PSMD14: variants seen among roughly 807,000 people sequenced by gnomAD.
The protein encoded by PSMD14 is ubiquitin C-terminal hydrolase PSMD14.
In PSMD14, 7 loss-of-function variants were observed where a neutral mutation model predicts 41.2. The observed-to-expected ratio is 0.17, with a 90% CI of 0.10 to 0.32. The LOEUF (loss-of-function observed/expected upper bound fraction) is 0.32. Among genes scored for constraint, PSMD14 ranks in the 10% least tolerant of loss-of-function variants. The probability of loss-of-function intolerance (pLI) is 1.00; values close to 1 mark genes in which losing one functional copy is unlikely to be tolerated. For synonymous variants in PSMD14, 114 were observed against 122.3 expected, an observed-to-expected ratio of 0.93 and a Z score of 0.45; for missense variants, 139 against 375.6, an observed-to-expected ratio of 0.37 and a Z score of 5.21.
intron 8 of PSMD14, among the ~76,000 whole-genome samples, chr2:161,390,828 A>C (rs1683701089): frequency 6.6e-6 from 1 of 152,182 alleles, no homozygotes; most frequent in African/African-American, 2.4e-5. Flanking sequence ...TTATGATAAG[A>C]TCAAACCTTA....
chr2:161,401,794 A>ATTG (rs1574143148), intron 10 of PSMD14, among the ~76,000 whole-genome samples: 1 of 151,802 alleles, frequency 6.6e-6, no homozygotes, highest in Non-Finnish European at 1.5e-5. Context: ...TATTATTATT[A>ATTG]TTCAGGTTGT....
At chr2:161,387,964 A>T (rs1469052320) in intron 8 of PSMD14, among the ~76,000 whole-genome samples, 1 of 152,034 alleles carries the variant, frequency 6.6e-6, no homozygotes, top group Non-Finnish European at 1.5e-5. Flanking sequence ...TTAATATATG[A>T]TAATGTATAT....
intron 11 of PSMD14, 37 bp downstream of exon 11, chr2:161,408,936 ATAACATGTT>A: frequency 6.6e-7 from 1 of 1,522,392 alleles, no homozygotes; most frequent in Non-Finnish European, 9.0e-7. Flanking sequence ...CAGTTGCATA[ATAACATGTT>A]CTTATAGAGT....
intron 7 of PSMD14, among the ~76,000 whole-genome samples, chr2:161,379,759 G>T (rs1222349185): frequency 6.6e-6 from 1 of 152,058 alleles, no homozygotes; most frequent in Non-Finnish European, 1.5e-5. Context: ...ATGCAAAGGA[G>T]AAAGTGAAGG....
At chr2:161,351,287 A>G (rs1683114679) in intron 3 of PSMD14, among the ~76,000 whole-genome samples, 1 of 152,190 alleles carries the variant, frequency 6.6e-6, no homozygotes, top group Non-Finnish European at 1.5e-5. Context: ...CACTTAGCTT[A>G]TACTAGGGCA....
intron 3 of PSMD14, among the ~76,000 whole-genome samples, chr2:161,353,048 A>C (rs546068540): frequency 2.0e-5 from 3 of 152,300 alleles, no homozygotes; most frequent in Admixed American, 2.0e-4. Context: ...TTATTAAAAG[A>C]ATATTTTGTT....
intron 3 of PSMD14, among the ~76,000 whole-genome samples, chr2:161,363,316 A>G (rs892424671): frequency 6.6e-6 from 1 of 152,150 alleles, no homozygotes; most frequent in Admixed American, 6.5e-5. Flanking sequence ...ATTTTATTAT[A>G]TTTCTAAAAG....
intron 11 of PSMD14, among the ~76,000 whole-genome samples, chr2:161,410,650 G>A (rs6432681): frequency 1 from 152,152 of 152,190 alleles, 76,058 homozygotes; most frequent in Middle Eastern, 1. Context: ...GATTGCACCT[G>A]TATAATTTGC....
chr2:161,365,021 G>A (rs780027096), intron 3 of PSMD14, among the ~76,000 whole-genome samples: 22 of 152,074 alleles, frequency 1.4e-4, no homozygotes, highest in African/African-American at 4.6e-4. Context: ...AGGAAGAGAC[G>A]CTGGAACCCA....
chr2:161,374,943 A>G (rs1420068613), intron 7 of PSMD14, among the ~76,000 whole-genome samples: 2 of 152,072 alleles, frequency 1.3e-5, no homozygotes, highest in Non-Finnish European at 2.9e-5. Context: ...ATTACCAGCT[A>G]ACTAACTCCT....
intron 3 of PSMD14, chr2:161,341,087 C>A (rs1272411690): frequency 1.3e-6 from 2 of 1,524,696 alleles, no homozygotes; most frequent in Middle Eastern, 2.3e-4. Context: ...CGAGCTCCCC[C>A]AGCCCCGCGG....
Position 161,348,369 on chromosome 2 carries a change from G to A in PSMD14, c.49-19109G>A, listed in dbSNP as rs188712587. ...GCAGCCATATATTACAAAAATGAAT[G>A]GGCCTGGCCATGTTCCAATAAAATT... On this transcript the variant is annotated intron_variant, in intron 3 of 11. Transcript: ENST00000409682. Among the ~76,000 whole-genome samples, 10 of 152,250 alleles carry A rather than the reference G, an allele frequency of 6.6e-5. No individual in the cohort carries two copies. The East Asian group carries it at 1.9e-3, about 29-fold the overall frequency.
At chr2:161,320,546 A>C (rs1396466400) in intron 3 of PSMD14, among the ~76,000 whole-genome samples, 1 of 152,066 alleles carries the variant, frequency 6.6e-6, no homozygotes, top group South Asian at 2.1e-4. Context: ...TAATTTGTGG[A>C]ACTCTTATTT....
chr2:161,340,777 A>G, intron 3 of PSMD14: 1 of 1,612,786 alleles, frequency 6.2e-7, no homozygotes, highest in South Asian at 1.1e-5. Context: ...AGATGCCAAA[A>G]GGAAAAGCCT....
At chr2:161,311,895 G>A (rs1457194134) in intron 1 of PSMD14, among the ~76,000 whole-genome samples, 1 of 151,670 alleles carries the variant, frequency 6.6e-6, no homozygotes, top group Non-Finnish European at 1.5e-5. Context: ...GATTACAGGT[G>A]TGAGCCACCG....
chr2:161,375,125 A>G (rs567827023), intron 7 of PSMD14, among the ~76,000 whole-genome samples: 1 of 152,178 alleles, frequency 6.6e-6, no homozygotes, highest in African/African-American at 2.4e-5. Context: ...AGGTCAGCTT[A>G]TCTGCAGGTA....
At chr2:161,366,947 G>A (rs1452183036) in intron 3 of PSMD14, among the ~76,000 whole-genome samples, 1 of 152,128 alleles carries the variant, frequency 6.6e-6, no homozygotes, top group African/African-American at 2.4e-5. Flanking sequence ...TGTTAAATTT[G>A]TTGTTGTATA....
At chr2:161,390,164 C>G (rs1195593468) in intron 8 of PSMD14, among the ~76,000 whole-genome samples, 1 of 151,986 alleles carries the variant, frequency 6.6e-6, no homozygotes, top group East Asian at 1.9e-4. Context: ...CCTTCTTCCT[C>G]TACCTCAGTG....
rs1683370478 is a variant in PSMD14 at position 161,367,196 on chromosome 2, A to C, written c.49-282A>C. On this transcript the variant is annotated intron_variant, in intron 3 of 11. Transcript: ENST00000409682. ...CACACTGTGGTAACAAATGTGGCTA[A>C]TTGGTACATTATAGCCATGTTGTAG... Among the ~76,000 whole-genome samples the C allele has an allele frequency of 3.9e-5, 6 of 152,182 alleles. No individual in the cohort carries two copies. The South Asian group carries it at 1.2e-3, about 31-fold the overall frequency.
Sources: gnomAD v4.1 joint callset for allele counts (sites outside exome capture counted in the v4.1 genomes callset) on GRCh38, gnomAD v4.1.1 for gene constraint, MANE v1.5 for transcripts, NCBI Gene and HGNC (gene_info 2026-07-23, HGNC 2026-07-21) for gene names.